Variants in LMAN1 observed in about 807,000 individuals in gnomAD.
The protein encoded by LMAN1 is lectin, mannose binding 1, also known as protein ERGIC-53.
In LMAN1, 32 loss-of-function variants were observed where a neutral mutation model predicts 67.8. The ratio of observed to expected loss-of-function variants is 0.47; its 90% CI spans 0.36 to 0.63. The LOEUF is 0.63. Among genes scored for constraint, LMAN1 ranks in the 30% least tolerant of loss-of-function variants. LMAN1 has a pLI of 0.00. For missense variants in LMAN1, 632 were observed against 628.2 expected (o/e 1.01, Z -0.06); for synonymous variants, 235 against 219.3 (o/e 1.07, Z -0.63).
chr18:59,355,443 AG>A, intron 2 of LMAN1, 23 bp from the exon 3 acceptor site: 1 of 1,613,938 alleles, frequency 6.2e-7, no homozygotes. Flanking sequence ...AATAGGGAAC[AG>A]TTAGAGGCTA....
chr18:59,350,277 C>A (rs1460100356), intron 5 of LMAN1, among the ~76,000 whole-genome samples: 1 of 152,116 alleles, frequency 6.6e-6, no homozygotes, highest in African/African-American at 2.4e-5. Context: ...ATTCCTATTT[C>A]ATTTTACATC....
intron 8 of LMAN1, among the ~76,000 whole-genome samples, chr18:59,341,316 A>G (rs1908281832): frequency 6.6e-6 from 1 of 152,156 alleles, no homozygotes; most frequent in African/African-American, 2.4e-5. Context: ...GAAAAATAAC[A>G]AAGAAACATT....
intron 1 of LMAN1, among the ~76,000 whole-genome samples, chr18:59,358,055 T>C (rs1157290359): frequency 6.6e-6 from 1 of 152,132 alleles, no homozygotes; most frequent in African/African-American, 2.4e-5. Flanking sequence ...ATTTGCCACT[T>C]GTTCAACGGG....
intron 4 of LMAN1, among the ~76,000 whole-genome samples, chr18:59,353,647 C>T (rs41341947): frequency 0.014 from 2,120 of 152,218 alleles, 51 homozygotes; most frequent in African/African-American, 0.049. Context: ...TAAACAGGCA[C>T]ATGGATAAGT....
At position 59,355,653 on chromosome 18, in the gene LMAN1, T is replaced by G. The variant is rs756692901; in HGVS notation, c.220A>C (p.Ile74Leu). Residue 74 changes from isoleucine to leucine, a missense_variant, in exon 2 of 13, where the codon ATT becomes CTT. Ile to Leu is a conservative substitution (Grantham distance 5). Coordinates refer to ENST00000251047, the MANE Select transcript of LMAN1 (RefSeq NM_005570.4). ...ACTCGAATTTGATCTGAACTTGGAATAGCATCTAGAACAGAAATCAGGGGA... is the reference window on the plus strand; with the variant it reads ...ACTCGAATTTGATCTGAACTTGGAAGAGCATCTAGAACAGAAATCAGGGGA... ...VPFWAHAGNA[I>L]PSSDQIRVAP... The G allele has an allele frequency of 3.7e-6, 6 of 1,613,696 alleles. No individual in the cohort carries two copies. The highest frequency in any genetic ancestry group is 5.1e-6 in the Non-Finnish European group (6 of 1,179,880).
intron 6 of LMAN1, among the ~76,000 whole-genome samples, chr18:59,348,431 G>A (rs1005176276): frequency 1.3e-5 from 2 of 152,188 alleles, no homozygotes; most frequent in African/African-American, 4.8e-5. Context: ...TTGGCCATAC[G>A]ATCTTCAGAA....
chr18:59,355,329 A>G lies in LMAN1; in HGVS notation c.461T>C (p.Phe154Ser). 3.1e-6 allele frequency: 5 copies of G among 1,612,944 alleles called. No individual in the cohort carries two copies. In the South Asian group the frequency reaches 3.3e-5, roughly 11 times the overall value. The change falls in exon 3 of 13, where the codon TTT becomes TCT. Residue 154 changes from phenylalanine to serine, a missense_variant. Coordinates refer to ENST00000251047, the MANE Select transcript of LMAN1 (RefSeq NM_005570.4). The stretch of plus-strand genomic sequence containing the variant: ...TAAATATACCTTTCCATCATTGTCA[A>G]AAGAATCAAAAAATATTCCAACACC... ...WNGVGIFFDS[F>S]DNDGKKNNPA...
chr18:59,346,789 G>GAATC (rs1195732826), intron 7 of LMAN1, among the ~76,000 whole-genome samples: 2 of 151,834 alleles, frequency 1.3e-5, no homozygotes, highest in Non-Finnish European at 2.9e-5. Flanking sequence ...CAAAGTGCTA[G>GAATC]GATTACAGGC....
chr18:59,348,647 A>C (rs1292653084), intron 6 of LMAN1, among the ~76,000 whole-genome samples: 2 of 152,240 alleles, frequency 1.3e-5, no homozygotes, highest in Non-Finnish European at 2.9e-5. Flanking sequence ...GGTTTTGTTT[A>C]AAGTTTAGTC....
At chr18:59,346,138 C>A in intron 7 of LMAN1, 87 bp from the exon 8 acceptor site, 6 of 1,102,886 alleles carry the variant, frequency 5.4e-6, no homozygotes, top group Non-Finnish European at 7.8e-6. Context: ...CTCATTTTAA[C>A]TCTTCTACCA....
intron 6 of LMAN1, among the ~76,000 whole-genome samples, chr18:59,348,762 C>T (rs1475565107): frequency 6.6e-6 from 1 of 152,190 alleles, no homozygotes; most frequent in Non-Finnish European, 1.5e-5. Flanking sequence ...ATGTGACTAG[C>T]CAAGACTGCT....
At chr18:59,334,585 G>A (rs779208237) in intron 10 of LMAN1, among the ~76,000 whole-genome samples, 2 of 152,170 alleles carry the variant, frequency 1.3e-5, no homozygotes, top group Non-Finnish European at 2.9e-5. Flanking sequence ...AAGGGACGAT[G>A]GAAGGAGAGC....
At chr18:59,345,826 A>G in intron 8 of LMAN1, 93 bp downstream of exon 8, 1 of 1,409,730 alleles carries the variant, frequency 7.1e-7, no homozygotes, top group South Asian at 1.2e-5. Context: ...TTCAGAGAGC[A>G]GGGATGAGCT....
At chr18:59,348,750 G>A (rs1908475867) in intron 6 of LMAN1, among the ~76,000 whole-genome samples, 2 of 152,162 alleles carry the variant, frequency 1.3e-5, no homozygotes, top group Non-Finnish European at 2.9e-5. Context: ...ACCTTTCTGT[G>A]GATGTGACTA....
rs1380444316 is a variant in LMAN1, at chr18:59,328,525, ATATAT to A, written c.*2563_*2567del. ...TCTGTTAATGTCATTGACAATAAAAATATATTATCTTCTCAGCTCAGCTCTAAATT... is the reference window on the plus strand; with the variant it reads ...TCTGTTAATGTCATTGACAATAAAAATATCTTCTCAGCTCAGCTCTAAATT... On this transcript the variant is annotated 3_prime_UTR_variant, in exon 13 of 13. Coordinates refer to ENST00000251047, the MANE Select transcript of LMAN1 (RefSeq NM_005570.4). 2.0e-5 allele frequency: 3 copies of A among 152,218 alleles called. No homozygotes were observed. Among genetic ancestry groups the A allele is most frequent in the Non-Finnish European group, 2.9e-5 (2 of 68,030 alleles). The allele number at this position is 152,218 out of a possible 1,614,324, so 9.4% of individuals were successfully genotyped here.
intron 1 of LMAN1, among the ~76,000 whole-genome samples, chr18:59,355,894 A>G (rs1908651238): frequency 6.6e-6 from 1 of 152,222 alleles, no homozygotes; most frequent in South Asian, 2.1e-4. Flanking sequence ...AGTGGGTGAG[A>G]GAAAGGGAAT....
intron 4 of LMAN1, among the ~76,000 whole-genome samples, chr18:59,353,728 A>G (rs1257018643): frequency 3.9e-5 from 6 of 152,242 alleles, no homozygotes; most frequent in Non-Finnish European, 7.3e-5. Flanking sequence ...AAAAATGTAC[A>G]TACCTAATTT....
At chr18:59,333,350 T>TA in intron 10 of LMAN1, 106 bp from the exon 11 acceptor site, 3 of 819,146 alleles carry the variant, frequency 3.7e-6, no homozygotes, top group Non-Finnish European at 5.7e-6. Context: ...ATTACATCAT[T>TA]TAAAAAAAAA....
intron 8 of LMAN1, among the ~76,000 whole-genome samples, chr18:59,344,850 G>A (rs1298437080): frequency 6.6e-6 from 1 of 152,122 alleles, no homozygotes; most frequent in East Asian, 1.9e-4. Context: ...TACACTGTGT[G>A]ATTCTACTTA....
Sources: allele counts gnomAD v4.1 joint callset (sites outside exome capture counted in the v4.1 genomes callset), GRCh38; gene constraint gnomAD v4.1.1; transcripts MANE v1.5; gene names NCBI Gene and HGNC (gene_info 2026-07-23, HGNC 2026-07-21).